SCARA3: variants seen among roughly 807,000 people sequenced by gnomAD.
The protein encoded by SCARA3 is scavenger receptor class A member 3, also known as cellular stress response gene protein.
SCARA3 carries 39 observed loss-of-function variants against 47.0 expected under a neutral mutation model. The observed-to-expected ratio is 0.83, with a 90% confidence interval of 0.64 to 1.08. The LOEUF (loss-of-function observed/expected upper bound fraction) is 1.08, where lower values mean the gene tolerates loss of function less well. Ranked by LOEUF, SCARA3 falls within the 50% of genes least tolerant of loss-of-function variation. The pLI, the probability that SCARA3 is intolerant of heterozygous loss-of-function variation, is 0.00. For missense variants in SCARA3, 724 were observed against 792.3 expected (o/e 0.91, Z 1.04); for synonymous variants, 356 against 334.1 (o/e 1.07, Z -0.71).
At chr8:27,711,994 C>T in the SCARA3 span, among the ~76,000 whole-genome samples, 4 of 152,146 alleles carry the variant, frequency 2.6e-5, no homozygotes, top group African/African-American at 7.2e-5. Flanking sequence ...CGTATAATGA[C>T]GGGTATCCAC....
the SCARA3 span, among the ~76,000 whole-genome samples, chr8:27,700,285 G>T: frequency 1.3e-5 from 2 of 152,046 alleles, no homozygotes; most frequent in Non-Finnish European, 2.9e-5. Flanking sequence ...TTGCTTTCAG[G>T]ATACATAAAG....
At chr8:27,706,420 T>C in the SCARA3 span, among the ~76,000 whole-genome samples, 2 of 152,176 alleles carry the variant, frequency 1.3e-5, no homozygotes, top group Non-Finnish European at 2.9e-5. Context: ...CCCAAAATGC[T>C]GGGATTACAG....
chr8:27,703,202 C>G, the SCARA3 span: 7 of 152,566 alleles, frequency 4.6e-5, no homozygotes, highest in African/African-American at 1.7e-4. Flanking sequence ...GCCTCCCATC[C>G]CCGCAGCCTG....
intron 3 of SCARA3, 103 bp downstream of exon 3, chr8:27,651,730 C>A: frequency 6.8e-7 from 1 of 1,465,686 alleles, no homozygotes; most frequent in Non-Finnish European, 9.2e-7. Context: ...ATCTGTATCC[C>A]AGGGCCCAGA....
the SCARA3 span, among the ~76,000 whole-genome samples, chr8:27,731,891 C>T: frequency 7.3e-6 from 1 of 136,888 alleles, no homozygotes; most frequent in African/African-American, 2.7e-5. Flanking sequence ...CAGGGCACTG[C>T]ACGGTACCCC....
Position 27,656,745 on chromosome 8 carries a change from A to G in SCARA3, c.227-37A>G, listed in dbSNP as rs763400643. 3 of 1,303,444 alleles carry G rather than the reference A, an allele frequency of 2.3e-6. No homozygotes were observed. In the Admixed American group the frequency reaches 5.0e-5, roughly 22 times the overall value. The allele number at this position is 1,303,444 out of a possible 1,614,324, so 80.7% of individuals were successfully genotyped here. A position where few individuals can be genotyped will look rare whatever the true frequency, so the allele number is the denominator to read the frequency against. ...GAATGACTGCTGTTTCTCTGAGCTT[A>G]GACCCTGCCCCAGCTTCTCATCTGT... On this transcript the variant is annotated intron_variant, in intron 3 of 5. Coordinates refer to ENST00000301904, the MANE Select transcript of SCARA3 (RefSeq NM_016240.3).
At chr8:27,720,072 G>A in the SCARA3 span, among the ~76,000 whole-genome samples, 1 of 152,138 alleles carries the variant, frequency 6.6e-6, no homozygotes, top group Admixed American at 6.5e-5. Context: ...CAGAGGATGG[G>A]GAGGGATGAG....
intron 1 of SCARA3, among the ~76,000 whole-genome samples, chr8:27,640,963 C>T (rs1369072681): frequency 6.6e-6 from 1 of 152,218 alleles, no homozygotes; most frequent in African/African-American, 2.4e-5. Flanking sequence ...TCCCAAAATG[C>T]TGGGATTACA....
chr8:27,671,717 T>C lies in SCARA3; in HGVS notation c.*366T>C, dbSNP rs1315998282. Reference sequence around the variant, plus strand: ...ACACAGGCACACATGCATGCACACATACACATGCACACACACATGCACACA... The same window carrying C: ...ACACAGGCACACATGCATGCACACACACACATGCACACACACATGCACACA... On this transcript the variant is annotated 3_prime_UTR_variant, in exon 6 of 6. Transcript: ENST00000301904. The C allele has an allele frequency of 1.4e-5, 15 of 1,038,684 alleles. No individual in the cohort carries two copies. Among genetic ancestry groups the C allele is most frequent in the East Asian group, 1.4e-4 (2 of 14,160 alleles). 64.3% of individuals were successfully genotyped at this position (1,038,684 alleles called of 1,614,324 possible). A position where few individuals can be genotyped will look rare whatever the true frequency, so the allele number is the denominator to read the frequency against.
intron 3 of SCARA3, among the ~76,000 whole-genome samples, chr8:27,651,983 T>C (rs180809584): frequency 3.3e-5 from 5 of 152,360 alleles, no homozygotes; most frequent in Admixed American, 2.6e-4. Context: ...TAATTCGGTA[T>C]CTTTCAACTC....
At chr8:27,733,067 T>C in the SCARA3 span, among the ~76,000 whole-genome samples, 1 of 152,188 alleles carries the variant, frequency 6.6e-6, no homozygotes. Context: ...CTCCAAGTAC[T>C]AGTGTTCAAA....
chr8:27,667,813 C>A (rs1006358668), intron 5 of SCARA3, among the ~76,000 whole-genome samples: 1 of 152,190 alleles, frequency 6.6e-6, no homozygotes, highest in Non-Finnish European at 1.5e-5. Flanking sequence ...ACACGGGCAG[C>A]GAGGGAGGCT....
downstream of SCARA3, among the ~76,000 whole-genome samples, chr8:27,681,570 A>G (rs78557088): frequency 6.6e-6 from 1 of 152,116 alleles, no homozygotes; most frequent in Non-Finnish European, 1.5e-5. Context: ...TAAAAAAAAA[A>G]TAATAGCCAG....
intron 1 of SCARA3, among the ~76,000 whole-genome samples, chr8:27,646,740 C>A (rs1439484305): frequency 6.6e-6 from 1 of 152,114 alleles, no homozygotes; most frequent in African/African-American, 2.4e-5. Flanking sequence ...CAGAAGGTAC[C>A]AAGGAATTCC....
chr8:27,649,615 G>A, intron 1 of SCARA3, 87 bp from the exon 2 acceptor site: 2 of 1,238,714 alleles, frequency 1.6e-6, no homozygotes, highest in Non-Finnish European at 1.2e-6. Flanking sequence ...GTAGAGGTGG[G>A]CATGGGATAT....
At chr8:27,667,970 G>A (rs1043058577) in intron 5 of SCARA3, among the ~76,000 whole-genome samples, 1 of 152,224 alleles carries the variant, frequency 6.6e-6, no homozygotes, top group African/African-American at 2.4e-5. Flanking sequence ...GAGATGGGGT[G>A]AGAAGCGGCA....
chr8:27,643,021 C>T lies in SCARA3; in HGVS notation c.8-6681C>T, dbSNP rs548507372. Among the ~76,000 whole-genome samples, 10 of 152,222 alleles carry T rather than the reference C, an allele frequency of 6.6e-5. No homozygotes were observed. The South Asian group carries it at 1.9e-3, about 28-fold the overall frequency. ...TGTCTCAACTAGAGGCAGCACCAGC[C>T]TGCGAGCAGGTATTTAGAAATGGGT... On this transcript the variant is annotated intron_variant, in intron 1 of 5. Coordinates refer to ENST00000301904, the MANE Select transcript of SCARA3 (RefSeq NM_016240.3).
intron 5 of SCARA3, among the ~76,000 whole-genome samples, 161 bp from the exon 6 acceptor site, chr8:27,670,739 A>AGT (rs1377607878): frequency 6.6e-6 from 1 of 151,818 alleles, no homozygotes; most frequent in Non-Finnish European, 1.5e-5. Flanking sequence ...CCCTAACCTC[A>AGT]GTGTGTGTGT....
intron 1 of SCARA3, among the ~76,000 whole-genome samples, chr8:27,636,515 A>C (rs1029039783): frequency 1.3e-5 from 2 of 152,116 alleles, no homozygotes; most frequent in East Asian, 3.8e-4. Flanking sequence ...GGTGTGAATG[A>C]ATATTTAAAA....
Sources: allele counts gnomAD v4.1 joint callset (sites outside exome capture counted in the v4.1 genomes callset), GRCh38; gene constraint gnomAD v4.1.1; transcripts MANE v1.5; gene names NCBI Gene and HGNC (gene_info 2026-07-23, HGNC 2026-07-21).